RAD51B: variants seen among roughly 807,000 people sequenced by gnomAD.
The protein encoded by RAD51B is RAD51 paralog B, also known as DNA repair protein RAD51 homolog 2.
Under a neutral mutation model 42.2 loss-of-function variants are expected in RAD51B, and 38 were observed. That is an observed-to-expected ratio of 0.90 (90% CI 0.70 to 1.18). RAD51B has a LOEUF of 1.18. Ranked by LOEUF, RAD51B falls within the 50% of genes most tolerant of loss-of-function variation. RAD51B has a pLI of 0.00. For synonymous variants in RAD51B, 154 were observed against 145.2 expected (o/e 1.06, Z -0.43); for missense variants, 373 against 400.7 (o/e 0.93, Z 0.59).
chr14:67,871,190 C>T (rs1170296668), intron 5 of RAD51B, among the ~76,000 whole-genome samples: 1 of 151,644 alleles, frequency 6.6e-6, no homozygotes, highest in African/African-American at 2.4e-5. Context: ...AGACCGCTAG[C>T]AAGACTAATA....
chr14:68,153,109 A>G (rs766200557), intron 7 of RAD51B, among the ~76,000 whole-genome samples: 11 of 152,174 alleles, frequency 7.2e-5, no homozygotes, highest in African/African-American at 1.2e-4. Flanking sequence ...TCCTTTGGGT[A>G]TATACCCAGT....
intron 11 of RAD51B, among the ~76,000 whole-genome samples, chr14:68,658,978 A>G (rs1162911553): frequency 6.6e-6 from 1 of 152,148 alleles, no homozygotes; most frequent in Admixed American, 6.5e-5. Flanking sequence ...CACTCAGGAG[A>G]GAGGGGCGGG....
At chr14:68,594,458 A>T (rs760750601) in intron 10 of RAD51B, 39 of 1,361,156 alleles carry the variant, frequency 2.9e-5, no homozygotes, top group Non-Finnish European at 3.5e-5. Context: ...CTAGACTTTG[A>T]CTTCCTTTTT....
At chr14:68,547,820 C>T (rs1888315537) in intron 10 of RAD51B, among the ~76,000 whole-genome samples, 1 of 152,214 alleles carries the variant, frequency 6.6e-6, no homozygotes, top group Non-Finnish European at 1.5e-5. Context: ...GCCTCACTCT[C>T]CTCCAGAACG....
At chr14:67,850,341 C>T (rs1397960806) in intron 4 of RAD51B, among the ~76,000 whole-genome samples, 1 of 152,028 alleles carries the variant, frequency 6.6e-6, no homozygotes, top group Non-Finnish European at 1.5e-5. Context: ...GGTTTTCTTT[C>T]CCTTTCTTTT....
intron 7 of RAD51B, among the ~76,000 whole-genome samples, chr14:68,097,919 T>C (rs2077222108): frequency 6.6e-6 from 1 of 152,222 alleles, no homozygotes; most frequent in Non-Finnish European, 1.5e-5. Context: ...ACTGACTTTG[T>C]TGCATCATCA....
chr14:67,969,554 A>G (rs1837887342), intron 7 of RAD51B, among the ~76,000 whole-genome samples: 1 of 152,214 alleles, frequency 6.6e-6, no homozygotes, highest in African/African-American at 2.4e-5. Flanking sequence ...AAAATTTGAA[A>G]TATATAAGAT....
At chr14:68,090,377 G>A (rs1208177437) in intron 7 of RAD51B, among the ~76,000 whole-genome samples, 1 of 152,116 alleles carries the variant, frequency 6.6e-6, no homozygotes, top group Non-Finnish European at 1.5e-5. Flanking sequence ...TACAGTAACA[G>A]GTTAAGATTA....
chr14:68,067,056 A>C (rs1045511426), intron 7 of RAD51B, among the ~76,000 whole-genome samples: 1 of 152,238 alleles, frequency 6.6e-6, no homozygotes, highest in South Asian at 2.1e-4. Context: ...AAACTCATTC[A>C]GCAAACTTTG....
intron 10 of RAD51B, among the ~76,000 whole-genome samples, chr14:68,640,259 C>A (rs563239203): frequency 6.6e-6 from 1 of 152,204 alleles, no homozygotes; most frequent in Non-Finnish European, 1.5e-5. Flanking sequence ...TGTGGTGCAG[C>A]AATGTGAATA....
At position 68,605,484 on chromosome 14, in the gene RAD51B, TA is replaced by T. The variant is rs1566952679; in HGVS notation, c.1037-5519del. On this transcript the variant is annotated intron_variant, in intron 10 of 10. Coordinates refer to the RAD51B transcript ENST00000487861. ...TTGGCTGGAGCCAGACATGACAATCTAAACTAAAACCCGACTGGCTAACAGT... is the reference window on the plus strand; with the variant it reads ...TTGGCTGGAGCCAGACATGACAATCTAACTAAAACCCGACTGGCTAACAGT... 2.0e-5 allele frequency among the ~76,000 whole-genome samples: 3 copies of T among 152,374 alleles called. No individual in the cohort carries two copies. In the South Asian group the frequency reaches 6.2e-4, roughly 32 times the overall value.
At chr14:67,885,592 A>G (rs577238850) in intron 5 of RAD51B, 29 of 207,750 alleles carry the variant, frequency 1.4e-4, no homozygotes, top group African/African-American at 6.6e-4. Flanking sequence ...CAAAAAACAT[A>G]TTTAATCCCA....
At chr14:68,264,885 A>G (rs758356773) in intron 7 of RAD51B, among the ~76,000 whole-genome samples, 1 of 152,158 alleles carries the variant, frequency 6.6e-6, no homozygotes, top group Non-Finnish European at 1.5e-5. Flanking sequence ...CTAAAGGGAA[A>G]TGTGTGGAGG....
intron 7 of RAD51B, among the ~76,000 whole-genome samples, chr14:68,177,375 A>AT (rs1384776028): frequency 3.9e-5 from 6 of 152,178 alleles, no homozygotes; most frequent in Admixed American, 6.5e-5. Flanking sequence ...TTTGTTCTCC[A>AT]TTTTTAGAAT....
intron 10 of RAD51B, among the ~76,000 whole-genome samples, chr14:68,639,713 C>G (rs577295511): frequency 6.6e-6 from 1 of 152,220 alleles, no homozygotes; most frequent in East Asian, 1.9e-4. Context: ...ACAGAACCTT[C>G]GGTTTGGCTG....
intron 8 of RAD51B, among the ~76,000 whole-genome samples, chr14:68,329,136 G>GTCCCACCT (rs1169516668): frequency 1.1e-4 from 17 of 152,098 alleles, no homozygotes; most frequent in African/African-American, 3.6e-4. Flanking sequence ...AGCTTCCCAA[G>GTCCCACCT]TAGCTAAGAC....
chr14:68,146,432 C>T (rs34507283), intron 7 of RAD51B, among the ~76,000 whole-genome samples: 3 of 152,086 alleles, frequency 2.0e-5, no homozygotes, highest in African/African-American at 4.8e-5. Context: ...TTCCCCCCCA[C>T]GGCCCCCTCC....
chr14:68,651,303 G>A (rs2140138761), intron 11 of RAD51B, among the ~76,000 whole-genome samples: 1 of 152,272 alleles, frequency 6.6e-6, no homozygotes, highest in Middle Eastern at 3.4e-3. Flanking sequence ...CTCCCAAGTA[G>A]CTGGGACTAC....
chr14:68,507,476 G>T (rs1031022894), intron 10 of RAD51B, among the ~76,000 whole-genome samples: 6 of 152,132 alleles, frequency 3.9e-5, no homozygotes, highest in African/African-American at 1.4e-4. Context: ...GATTGCAGAG[G>T]GTCCTAGGAC....
Sources: allele counts gnomAD v4.1 joint callset (sites outside exome capture counted in the v4.1 genomes callset), GRCh38; gene constraint gnomAD v4.1.1; transcripts MANE v1.5; gene names NCBI Gene and HGNC (gene_info 2026-07-23, HGNC 2026-07-21).